The following DPP6 variants were observed in gnomAD, a reference collection of about 807,000 sequenced individuals.
DPP6 encodes dipeptidyl peptidase like 6, also known as A-type potassium channel modulatory protein DPP6.
DPP6 carries 69 observed loss-of-function variants against 122.6 expected under a neutral mutation model. The observed-to-expected ratio is 0.56, with a 90% CI of 0.46 to 0.69. The LOEUF (loss-of-function observed/expected upper bound fraction) is 0.69, where lower values mean the gene tolerates loss of function less well. Ranked by LOEUF, DPP6 falls within the 30% of genes least tolerant of loss-of-function variation. DPP6 has a pLI of 0.00. For missense variants in DPP6, 928 were observed against 1,116.9 expected (o/e 0.83, Z 2.41); for synonymous variants, 418 against 433.1 (o/e 0.97, Z 0.43).
intron 1 of DPP6, among the ~76,000 whole-genome samples, chr7:154,286,396 C>G (rs1241293157): frequency 6.6e-6 from 1 of 152,110 alleles, no homozygotes; most frequent in Non-Finnish European, 1.5e-5. Context: ...GTAGGTGGCA[C>G]CAGCCATCAT....
At chr7:153,807,221 TG>T in the DPP6 span, among the ~76,000 whole-genome samples, 1 of 151,840 alleles carries the variant, frequency 6.6e-6, no homozygotes, top group Non-Finnish European at 1.5e-5. Context: ...AAGACCAGCC[TG>T]GCCAACATGG....
chr7:154,080,342 C>T (rs566870614), intron 1 of DPP6, among the ~76,000 whole-genome samples: 27 of 152,236 alleles, frequency 1.8e-4, no homozygotes, highest in African/African-American at 5.5e-4. Context: ...AGTGACATCT[C>T]GGACTTCAAT....
At chr7:154,402,880 G>C (rs1372760096) in intron 1 of DPP6, among the ~76,000 whole-genome samples, 1 of 152,096 alleles carries the variant, frequency 6.6e-6, no homozygotes, top group East Asian at 1.9e-4. Flanking sequence ...TAAAAGGAAA[G>C]ACCCTTAAAT....
At chr7:153,895,728 GCACACACACA>G (rs10599371) in intron 1 of DPP6, among the ~76,000 whole-genome samples, 2,404 of 149,926 alleles carry the variant, frequency 0.016, 43 homozygotes, top group African/African-American at 0.046. Context: ...GTGCATGCGT[GCACACACACA>G]CACACACACA....
At chr7:154,281,698 C>T (rs538436113) in intron 1 of DPP6, among the ~76,000 whole-genome samples, 2 of 152,246 alleles carry the variant, frequency 1.3e-5, no homozygotes. Context: ...TATAAGATCT[C>T]TGGTGTGCAA....
intron 1 of DPP6, among the ~76,000 whole-genome samples, chr7:154,024,659 C>T (rs558391780): frequency 2.4e-4 from 36 of 152,232 alleles, no homozygotes; most frequent in African/African-American, 7.9e-4. Flanking sequence ...CTTTAACGTG[C>T]GTATGTTATG....
At chr7:154,082,545 AG>A (rs1804097343) in intron 1 of DPP6, among the ~76,000 whole-genome samples, 1 of 151,926 alleles carries the variant, frequency 6.6e-6, no homozygotes, top group African/African-American at 2.4e-5. Flanking sequence ...GAACACCCCC[AG>A]TTCCATTAAA....
intron 3 of DPP6, among the ~76,000 whole-genome samples, chr7:154,478,511 G>A (rs1822953535): frequency 6.6e-6 from 1 of 151,734 alleles, no homozygotes; most frequent in Non-Finnish European, 1.5e-5. Flanking sequence ...TATCTTCTGG[G>A]TGTTTACTGT....
chr7:154,325,734 T>C (rs2151026735), intron 1 of DPP6, among the ~76,000 whole-genome samples: 1 of 152,366 alleles, frequency 6.6e-6, no homozygotes, highest in South Asian at 2.1e-4. Flanking sequence ...ACCAAGACTG[T>C]CAGTATTCAA....
chr7:154,221,167 G>A (rs1585664993), intron 1 of DPP6, among the ~76,000 whole-genome samples: 2 of 152,076 alleles, frequency 1.3e-5, no homozygotes, highest in Admixed American at 6.5e-5. Context: ...TTAAGACAGA[G>A]TCTCGTTCTA....
At chr7:154,454,937 G>A (rs901468387) in intron 2 of DPP6, among the ~76,000 whole-genome samples, 1 of 152,132 alleles carries the variant, frequency 6.6e-6, no homozygotes, top group African/African-American at 2.4e-5. Context: ...TTGTCTGTGA[G>A]TAACAGAACA....
At chr7:154,016,360 A>G (rs925678847) in intron 1 of DPP6, among the ~76,000 whole-genome samples, 5 of 151,284 alleles carry the variant, frequency 3.3e-5, no homozygotes, top group African/African-American at 7.3e-5. Flanking sequence ...TTATATAACA[A>G]TTTTAAAAAT....
At chr7:154,058,485 G>A (rs1342644577) in intron 1 of DPP6, 12 of 140,034 alleles carry the variant, frequency 8.6e-5, no homozygotes, top group Admixed American at 3.5e-4. Flanking sequence ...TAGGGGGGGG[G>A]AGGCACCCTC....
At chr7:154,329,838 C>A (rs1808762606) in intron 1 of DPP6, among the ~76,000 whole-genome samples, 1 of 152,158 alleles carries the variant, frequency 6.6e-6, no homozygotes, top group African/African-American at 2.4e-5. Context: ...CCATGGAATA[C>A]TATGCAGCCA....
At chr7:154,824,895 C>T (rs992250978) in intron 16 of DPP6, among the ~76,000 whole-genome samples, 3 of 152,212 alleles carry the variant, frequency 2.0e-5, no homozygotes, top group Non-Finnish European at 4.4e-5. Context: ...AACCCCCGGT[C>T]TCTGACAGGA....
chr7:154,879,722 A>G (rs1230933305), intron 20 of DPP6, among the ~76,000 whole-genome samples: 2 of 152,348 alleles, frequency 1.3e-5, no homozygotes, highest in East Asian at 3.9e-4. Flanking sequence ...ACTGCACTCC[A>G]GCCTGGGCAA....
Position 154,821,653 on chromosome 7 carries a change from T to TATATATACACATATACAC in DPP6, c.1666+14548_1666+14549insCACATATACACATATATA, listed in dbSNP as rs1554477670. 1.9e-5 allele frequency among the ~76,000 whole-genome samples: 2 copies of TATATATACACATATACAC among 107,094 alleles called. No homozygotes were observed. Among genetic ancestry groups the TATATATACACATATACAC allele is most frequent in the African/African-American group, 3.4e-5 (1 of 29,614 alleles). The allele number at this position is 107,094 out of a possible 152,430, so 70.3% of individuals were successfully genotyped here. A position where few individuals can be genotyped will look rare whatever the true frequency, so the allele number is the denominator to read the frequency against. ...GTATATATATATATATATACACATATATATATATATACACATATATATATA... is the reference window on the plus strand; with the variant it reads ...GTATATATATATATATATACACATATATATATACACATATACACATATATATATACACATATATATATA... On this transcript the variant is annotated intron_variant, in intron 16 of 25. Coordinates refer to ENST00000377770, the MANE Select transcript of DPP6 (RefSeq NM_130797.4). The surrounding 1 kb of genome is among the most constrained non-coding windows in gnomAD (Gnocchi z 4.2).
intron 1 of DPP6, among the ~76,000 whole-genome samples, chr7:153,945,956 G>T (rs2129018701): frequency 6.6e-6 from 1 of 152,272 alleles, no homozygotes; most frequent in Admixed American, 6.5e-5. Flanking sequence ...GAATGTGTGT[G>T]GCCACCTTCT....
intron 9 of DPP6, among the ~76,000 whole-genome samples, chr7:154,770,214 G>T (rs1335358066): frequency 6.6e-6 from 1 of 152,188 alleles, no homozygotes; most frequent in Admixed American, 6.5e-5. Context: ...ACAGTTCCAC[G>T]TGGCTGGGGA....
Sources: allele counts gnomAD v4.1 joint callset (sites outside exome capture counted in the v4.1 genomes callset), GRCh38; gene constraint gnomAD v4.1.1; non-coding constraint Gnocchi (gnomAD v3.1); transcripts MANE v1.5; gene names NCBI Gene and HGNC (gene_info 2026-07-23, HGNC 2026-07-21).